The following MAP3K21 variants were observed in gnomAD, a reference collection of about 807,000 sequenced individuals.
The protein encoded by MAP3K21 is mitogen-activated protein kinase kinase kinase MLK4.
MAP3K21 carries 63 observed loss-of-function variants against 86.1 expected under a neutral mutation model. The ratio of observed to expected loss-of-function variants is 0.73; its 90% CI spans 0.60 to 0.90. The LOEUF is 0.90. MAP3K21 is among the 40% of genes least tolerant of loss of function. The pLI, the probability that MAP3K21 is intolerant of heterozygous loss-of-function variation, is 0.00. For synonymous variants in MAP3K21, 558 were observed against 564.8 expected (o/e 0.99, Z 0.17); for missense variants, 1,220 against 1,367.7 (o/e 0.89, Z 1.70).
At position 233,360,738 on chromosome 1, in the gene MAP3K21, G is replaced by C. The variant is rs143186470; in HGVS notation, c.1312-1315G>C. ...CCGTCTGTAAAAAGTCCAAGTATTA[G>C]TAGATTTGAATTGCATTCTAGTCCC... On this transcript the variant is annotated intron_variant, in intron 4 of 9. Coordinates refer to ENST00000366624, the MANE Select transcript of MAP3K21 (RefSeq NM_032435.3). Among the ~76,000 whole-genome samples, 980 of 152,298 alleles carry C rather than the reference G, an allele frequency of 6.4e-3. 4 individuals carry two copies. Among genetic ancestry groups the C allele is most frequent in the Non-Finnish European group, 0.011 (720 of 68,026 alleles).
chr1:233,363,295 G>A lies in MAP3K21; in HGVS notation c.1552+1002G>A, dbSNP rs1663500725. On this transcript the variant is annotated intron_variant, in intron 5 of 9. Coordinates refer to ENST00000366624, the MANE Select transcript of MAP3K21 (RefSeq NM_032435.3). ...AACAGTGACAGTTTTGTTTTATGTC[G>A]AGTGTGTATAAATTGCCTTATAAAA... is the stretch of plus-strand genomic sequence containing the variant. Among the ~76,000 whole-genome samples the A allele has an allele frequency of 2.0e-5, 3 of 152,138 alleles. No individual in the cohort carries two copies. The South Asian group carries it at 6.2e-4, about 32-fold the overall frequency.
intron 5 of MAP3K21, among the ~76,000 whole-genome samples, chr1:233,369,290 T>C (rs1486992174): frequency 6.8e-6 from 1 of 146,516 alleles, no homozygotes; most frequent in Non-Finnish European, 1.5e-5. Flanking sequence ...CTCAGGAGGG[T>C]GAGGCAGGAG....
intron 1 of MAP3K21, among the ~76,000 whole-genome samples, chr1:233,342,553 G>A (rs1282996292): frequency 2.0e-5 from 3 of 152,204 alleles, no homozygotes; most frequent in Admixed American, 2.0e-4. Context: ...CATTTCCTGC[G>A]ATTAAAGTAG....
Position 233,328,329 on chromosome 1 carries a change from C to G in MAP3K21, c.301C>G (p.Arg101Gly), listed in dbSNP as rs1044791348. The G allele has an allele frequency of 1.4e-6, 2 of 1,472,430 alleles. No individual in the cohort carries two copies. The highest frequency in any genetic ancestry group is 2.4e-5 in the Admixed American group (1 of 41,358). 91.2% of individuals were successfully genotyped at this position (1,472,430 alleles called of 1,614,324 possible). Residue 101 changes from arginine (R) to glycine (G), a missense_variant, in exon 1 of 10, where the codon CGC (arginine) becomes GGC (glycine). This residue lies in a region of MAP3K21 where 369 missense variants were observed against 385.3 expected (regional missense o/e 0.96). Transcript: ENST00000366624. This position sits in a 1 kb window ranked among gnomAD's most constrained non-coding sequence, Gnocchi z 8.7. The part of the protein sequence containing the change: ...IFPANYVAPC[R>G]PAASPAPPPS... Reference sequence around the variant, plus strand: ...CCCCGCCAACTACGTGGCTCCCTGCCGCCCGGCCGCCAGCCCCGCGCCGCC... The same window carrying G: ...CCCCGCCAACTACGTGGCTCCCTGCGGCCCGGCCGCCAGCCCCGCGCCGCC...
chr1:233,339,428 CCTT>C (rs373222227), intron 1 of MAP3K21, among the ~76,000 whole-genome samples: 48,562 of 130,048 alleles, frequency 0.37, 10,612 homozygotes, highest in East Asian at 0.54. Context: ...TTCTCCTCCT[CCTT>C]CTCCTCCTCC....
intron 4 of MAP3K21, among the ~76,000 whole-genome samples, chr1:233,361,005 A>G (rs1276337471): frequency 6.6e-6 from 1 of 152,246 alleles, no homozygotes; most frequent in African/African-American, 2.4e-5. Context: ...AACAGTGTAA[A>G]TAAAAGCTTG....
At chr1:233,358,873 G>A (rs1402904311) in intron 4 of MAP3K21, among the ~76,000 whole-genome samples, 1 of 151,596 alleles carries the variant, frequency 6.6e-6, no homozygotes, top group Non-Finnish European at 1.5e-5. Context: ...GCAGTGGTGT[G>A]GTCTCGGCTC....
chr1:233,361,650 G>C (rs1034135699), intron 4 of MAP3K21, among the ~76,000 whole-genome samples: 1 of 152,102 alleles, frequency 6.6e-6, no homozygotes, highest in East Asian at 1.9e-4. Flanking sequence ...TTTTGAAATG[G>C]GTCATTCACA....
chr1:233,375,309 TAA>T (rs1343234057), intron 6 of MAP3K21, among the ~76,000 whole-genome samples: 2 of 152,060 alleles, frequency 1.3e-5, no homozygotes, highest in African/African-American at 4.8e-5. Flanking sequence ...ATGTGGATAT[TAA>T]AGAGGAATAT....
chr1:233,328,679 C>T lies in MAP3K21; in HGVS notation c.651C>T (p.Ala217=), dbSNP rs1662754423. The T allele has an allele frequency of 7.6e-7, 1 of 1,321,032 alleles. No homozygotes were observed. Among genetic ancestry groups the T allele is most frequent in the Non-Finnish European group, 9.6e-7 (1 of 1,037,720 alleles). The allele number at this position is 1,321,032 out of a possible 1,614,324, so 81.8% of individuals were successfully genotyped here. Residue 217 remains alanine, a synonymous_variant, in exon 1 of 10, where the codon GCC becomes GCT. Transcript: ENST00000366624. The surrounding 1 kb of genome is among the most constrained non-coding windows in gnomAD (Gnocchi z 8.7). ...ALNRALAAAN[A]APDPRAPGPR... ...ACCGAGCGCTGGCCGCTGCCAACGC[C>T]GCCCCGGACCCGCGCGCGCCCGGCC...
chr1:233,371,991 TA>T (rs1558461987), intron 5 of MAP3K21, 46 bp from the exon 6 acceptor site: 1 of 1,590,782 alleles, frequency 6.3e-7, no homozygotes, highest in Non-Finnish European at 8.6e-7. Context: ...GCTATGAAGA[TA>T]AAGGAAAACC....
chr1:233,339,350 CCCTCTT>C lies in MAP3K21; in HGVS notation c.806-7090_806-7085del, dbSNP rs1558451093. ...TTCTTCCTCTTCTTCTCCCTCTTCT[CCCTCTT>C]CTCCTTCTCCTCCTTCTCCTTCTTC... On this transcript the variant is annotated intron_variant, in intron 1 of 9. Coordinates refer to ENST00000366624, the MANE Select transcript of MAP3K21 (RefSeq NM_032435.3). Among the ~76,000 whole-genome samples, 323 of 80,802 alleles carry C rather than the reference CCCTCTT, an allele frequency of 4.0e-3. 17 individuals are homozygous for C. The highest frequency in any genetic ancestry group is 0.013 in the Middle Eastern group (2 of 160). 53.0% of individuals were successfully genotyped at this position (80,802 alleles called of 152,430 possible).
At chr1:233,380,165 A>G (rs1663886883) in intron 9 of MAP3K21, among the ~76,000 whole-genome samples, 1 of 152,202 alleles carries the variant, frequency 6.6e-6, no homozygotes, top group East Asian at 1.9e-4. Flanking sequence ...CTGCCATAAC[A>G]GAGTGCCACA....
chr1:233,362,667 A>G (rs932529760), intron 5 of MAP3K21, among the ~76,000 whole-genome samples: 1 of 152,126 alleles, frequency 6.6e-6, no homozygotes, highest in Non-Finnish European at 1.5e-5. Context: ...TTAATATTTC[A>G]TCATTACGTT....
chr1:233,361,807 A>T (rs116672404), intron 4 of MAP3K21, among the ~76,000 whole-genome samples: 173 of 152,322 alleles, frequency 1.1e-3, no homozygotes, highest in African/African-American at 3.9e-3. Flanking sequence ...GTTTGTGCAG[A>T]GGCCTGGGCT....
rs201807580 is a variant in MAP3K21 at position 233,376,404 on chromosome 1, T to C, written c.1827-26T>C. ...TGGTGTGTTGTGTGCTTCTATCTTATGAAAAGAAACATTTTTCTCTTGTAG... is the reference window on the plus strand; with the variant it reads ...TGGTGTGTTGTGTGCTTCTATCTTACGAAAAGAAACATTTTTCTCTTGTAG... On this transcript the variant is annotated intron_variant, in intron 7 of 9. Coordinates refer to ENST00000366624, the MANE Select transcript of MAP3K21 (RefSeq NM_032435.3). The C allele has an allele frequency of 4.0e-5, 61 of 1,527,986 alleles. No individual in the cohort carries two copies. In the African/African-American group the frequency reaches 4.8e-4, roughly 12 times the overall value. The allele number at this position is 1,527,986 out of a possible 1,614,324, so 94.7% of individuals were successfully genotyped here. A position where few individuals can be genotyped will look rare whatever the true frequency, so the allele number is the denominator to read the frequency against.
chr1:233,328,159 C>A lies in MAP3K21; in HGVS notation c.131C>A (p.Ala44Asp). The change falls in exon 1 of 10, where the codon GCC becomes GAC. Residue 44 changes from alanine to aspartate, a missense_variant. By Grantham distance (126) the Ala-to-Asp change is moderately radical. This residue lies in a region of MAP3K21 where 369 missense variants were observed against 385.3 expected (regional missense o/e 0.96). Transcript: ENST00000366624. This position sits in a 1 kb window ranked among gnomAD's most constrained non-coding sequence, Gnocchi z 8.7. ...GSASAGAGLW[A>D]ALYDYEARGE... ...GCCTCGGCGGGCGCGGGGCTGTGGGCCGCGCTCTATGACTACGAGGCTCGC... is the reference window on the plus strand; with the variant it reads ...GCCTCGGCGGGCGCGGGGCTGTGGGACGCGCTCTATGACTACGAGGCTCGC... The A allele has an allele frequency of 6.9e-7, 1 of 1,457,416 alleles. No homozygotes were observed. Among genetic ancestry groups the A allele is most frequent in the Non-Finnish European group, 9.0e-7 (1 of 1,111,276 alleles). 90.3% of individuals were successfully genotyped at this position (1,457,416 alleles called of 1,614,324 possible).
intron 5 of MAP3K21, among the ~76,000 whole-genome samples, chr1:233,363,904 C>G (rs1229903203): frequency 6.6e-6 from 1 of 151,066 alleles, no homozygotes; most frequent in Non-Finnish European, 1.5e-5. Flanking sequence ...ATCCCAGCTA[C>G]TTGGGAGGCT....
At chr1:233,376,607 T>TAG (rs1244867446) in intron 8 of MAP3K21, 80 bp downstream of exon 8, 1 of 937,152 alleles carries the variant, frequency 1.1e-6, no homozygotes, top group African/African-American at 1.7e-5. Flanking sequence ...TTTACAGTCT[T>TAG]ACGTGGTCAT....
Sources: allele counts gnomAD v4.1 joint callset (sites outside exome capture counted in the v4.1 genomes callset), GRCh38; gene constraint gnomAD v4.1.1; regional missense constraint gnomAD v4.1.1; non-coding constraint Gnocchi (gnomAD v3.1); transcripts MANE v1.5; gene names NCBI Gene and HGNC (gene_info 2026-07-23, HGNC 2026-07-21).